RPS6KB1: variants seen among roughly 807,000 people sequenced by gnomAD.
The protein encoded by RPS6KB1 is ribosomal protein S6 kinase beta-1.
Under a neutral mutation model 70.2 loss-of-function variants are expected in RPS6KB1, and 12 were observed. That is an observed-to-expected ratio of 0.17 (90% confidence interval 0.11 to 0.28). The LOEUF (loss-of-function observed/expected upper bound fraction) is 0.28. Ranked by LOEUF, RPS6KB1 falls within the 10% of genes least tolerant of loss-of-function variation. The probability of loss-of-function intolerance (pLI) is 1.00; values close to 1 mark genes in which losing one functional copy is unlikely to be tolerated. For synonymous variants in RPS6KB1, 175 were observed against 211.2 expected (o/e 0.83, Z 1.49); for missense variants, 270 against 646.6 (o/e 0.42, Z 6.32).
chr17:59,901,281 C>T (rs973733221), intron 1 of RPS6KB1, among the ~76,000 whole-genome samples: 1 of 151,306 alleles, frequency 6.6e-6, no homozygotes, highest in Non-Finnish European at 1.5e-5. Context: ...TCCCGAGTAG[C>T]TGGGACTACA....
In RPS6KB1 at chr17:59,924,143, G is replaced by C. The variant is rs561164820; in HGVS notation, c.382-2292G>C. 2.0e-5 allele frequency among the ~76,000 whole-genome samples: 3 copies of C among 151,998 alleles called. No homozygotes were observed. The South Asian group carries it at 6.2e-4, about 31-fold the overall frequency. On this transcript the variant is annotated intron_variant, in intron 4 of 14. Coordinates refer to ENST00000225577, the MANE Select transcript of RPS6KB1 (RefSeq NM_003161.4). ...GCTCAGTTCGAAACCAGCCTGGCCA[G>C]CATGGTGAAACCCCATCTCTACTAA...
intron 6 of RPS6KB1, chr17:59,931,328 G>T: frequency 1.6e-5 from 5 of 319,786 alleles, no homozygotes; most frequent in Non-Finnish European, 2.3e-5. Context: ...TACACAGACA[G>T]AACAAAACAT....
chr17:59,900,221 CACACACACA>C (rs1568377494), intron 1 of RPS6KB1, among the ~76,000 whole-genome samples: 67 of 139,554 alleles, frequency 4.8e-4, no homozygotes, highest in South Asian at 2.6e-3. Context: ...CACACACACA[CACACACACA>C]CCCCTATGTG....
At position 59,936,501 on chromosome 17, in the gene RPS6KB1, T is replaced by A; in HGVS notation, c.1079T>A (p.Leu360His). The change falls in exon 12 of 15, where the codon CTT becomes CAT. Residue 360 changes from leucine to histidine, a missense_variant. By Grantham distance (99) the Leu-to-His change is moderately conservative. Coordinates refer to ENST00000225577, the MANE Select transcript of RPS6KB1 (RefSeq NM_003161.4). ...TTTAGACACATTAACTGGGAAGAACTTCTGGCTCGAAAGGTGGAGCCCCCC... is the reference window on the plus strand; with the variant it reads ...TTTAGACACATTAACTGGGAAGAACATCTGGCTCGAAAGGTGGAGCCCCCC... ...PFFRHINWEE[L>H]LARKVEPPFK... is the part of the protein sequence containing the mutation. The A allele has an allele frequency of 1.9e-6, 3 of 1,613,924 alleles. No homozygotes were observed. Among genetic ancestry groups the A allele is most frequent in the Non-Finnish European group, 2.5e-6 (3 of 1,179,822 alleles).
intron 6 of RPS6KB1, 55 bp from the exon 7 acceptor site, chr17:59,931,567 C>CT: frequency 1.4e-6 from 2 of 1,426,932 alleles, no homozygotes; most frequent in South Asian, 2.3e-5. Context: ...CATACGTAAA[C>CT]TGCTTTGGAT....
intron 1 of RPS6KB1, among the ~76,000 whole-genome samples, chr17:59,905,333 G>T (rs990801270): frequency 1.3e-5 from 2 of 151,978 alleles, no homozygotes; most frequent in Non-Finnish European, 2.9e-5. Context: ...GATGGTGTTG[G>T]TGTTTTTGAC....
At chr17:59,935,730 C>T (rs2044188712) in intron 10 of RPS6KB1, among the ~76,000 whole-genome samples, 1 of 152,100 alleles carries the variant, frequency 6.6e-6, no homozygotes, top group Non-Finnish European at 1.5e-5. Flanking sequence ...CTGCCCTGGC[C>T]TCCCAAAGTG....
intron 4 of RPS6KB1, among the ~76,000 whole-genome samples, chr17:59,918,705 C>CT (rs749279568): frequency 6.6e-5 from 10 of 151,492 alleles, no homozygotes; most frequent in Non-Finnish European, 1.0e-4. Context: ...TTGAAATGTT[C>CT]TTTTGTTTTA....
chr17:59,923,002 G>T (rs1417560806), intron 4 of RPS6KB1, among the ~76,000 whole-genome samples: 2 of 149,988 alleles, frequency 1.3e-5, no homozygotes, highest in African/African-American at 4.9e-5. Context: ...GAGTCGCTGG[G>T]ATAGGTGCGT....
At chr17:59,944,411 T>C (rs1248562525) in intron 13 of RPS6KB1, among the ~76,000 whole-genome samples, 1 of 152,178 alleles carries the variant, frequency 6.6e-6, no homozygotes, top group African/African-American at 2.4e-5. Context: ...TTGATACTTA[T>C]TCATCAAGAA....
intron 13 of RPS6KB1, among the ~76,000 whole-genome samples, chr17:59,942,227 G>T (rs939107801): frequency 6.6e-6 from 1 of 152,192 alleles, no homozygotes. Flanking sequence ...ATACAGGCAT[G>T]AGCCACCGTG....
At chr17:59,899,666 C>G (rs1479452568) in intron 1 of RPS6KB1, among the ~76,000 whole-genome samples, 1 of 152,134 alleles carries the variant, frequency 6.6e-6, no homozygotes, top group East Asian at 1.9e-4. Flanking sequence ...ACCCCCATAT[C>G]CCACACATAA....
intron 2 of RPS6KB1, among the ~76,000 whole-genome samples, chr17:59,911,057 C>T (rs1254418894): frequency 1.3e-5 from 2 of 152,126 alleles, no homozygotes; most frequent in African/African-American, 2.4e-5. Flanking sequence ...CCAAGGTGGG[C>T]GGGTCATTTG....
intron 1 of RPS6KB1, among the ~76,000 whole-genome samples, chr17:59,905,925 G>A (rs532251420): frequency 1.3e-5 from 2 of 152,144 alleles, no homozygotes; most frequent in South Asian, 2.1e-4. Flanking sequence ...TCGATAGCTG[G>A]GACTACAGGC....
intron 1 of RPS6KB1, among the ~76,000 whole-genome samples, chr17:59,899,443 G>A (rs913950997): frequency 6.6e-6 from 1 of 152,134 alleles, no homozygotes; most frequent in Non-Finnish European, 1.5e-5. Context: ...GCTACAGGGC[G>A]TATCTTGTGA....
At chr17:59,910,485 A>G (rs2144773362) in intron 1 of RPS6KB1, 77 bp from the exon 2 acceptor site, 1 of 863,524 alleles carries the variant, frequency 1.2e-6, no homozygotes, top group Non-Finnish European at 1.8e-6. Flanking sequence ...ATTCTCTTTC[A>G]GTTATGAGAC....
chr17:59,922,991 T>G (rs927540223), intron 4 of RPS6KB1, among the ~76,000 whole-genome samples: 2 of 149,226 alleles, frequency 1.3e-5, no homozygotes, highest in African/African-American at 5.0e-5. Flanking sequence ...CTCAGCCTCC[T>G]GAGTCGCTGG....
intron 13 of RPS6KB1, among the ~76,000 whole-genome samples, chr17:59,942,166 C>T (rs988423836): frequency 1.3e-5 from 2 of 151,936 alleles, no homozygotes; most frequent in Non-Finnish European, 2.9e-5. Flanking sequence ...TCGATGGTCT[C>T]GATTTCTTGA....
chr17:59,898,014 A>G (rs1462020731), intron 1 of RPS6KB1, among the ~76,000 whole-genome samples: 1 of 151,990 alleles, frequency 6.6e-6, no homozygotes, highest in Non-Finnish European at 1.5e-5. Context: ...GAATATAATC[A>G]AAGCCTATTG....
Sources: gnomAD v4.1 joint callset for allele counts (sites outside exome capture counted in the v4.1 genomes callset) on GRCh38, gnomAD v4.1.1 for gene constraint, MANE v1.5 for transcripts, NCBI Gene and HGNC (gene_info 2026-07-23, HGNC 2026-07-21) for gene names.